BICC1: variants seen among roughly 807,000 people sequenced by gnomAD.
BICC1 encodes the protein BicC family RNA binding protein 1.
A neutral mutation model predicts 111.0 loss-of-function variants in BICC1; 43 were observed. That is an observed-to-expected ratio of 0.39 (90% CI 0.30 to 0.50). The LOEUF (loss-of-function observed/expected upper bound fraction) is 0.50, where lower values mean the gene tolerates loss of function less well. BICC1 is among the 20% of genes least tolerant of loss of function. The pLI, the probability that BICC1 is intolerant of heterozygous loss-of-function variation, is 0.88. For missense variants in BICC1, 1,091 were observed against 1,203.2 expected (o/e 0.91, Z 1.38); for synonymous variants, 467 against 434.4 (o/e 1.07, Z -0.93).
chr10:58,676,108 T>C (rs988406760), intron 2 of BICC1, among the ~76,000 whole-genome samples: 1 of 152,152 alleles, frequency 6.6e-6, no homozygotes, highest in Non-Finnish European at 1.5e-5. Flanking sequence ...ACTACATTTT[T>C]CCCACTGTCT....
chr10:58,531,882 A>T (rs1593677), intron 1 of BICC1, among the ~76,000 whole-genome samples: 69,655 of 151,492 alleles, frequency 0.46, 17,070 homozygotes, highest in Admixed American at 0.62. Flanking sequence ...ATTGAGTCAG[A>T]GGAACAAAAA....
intron 1 of BICC1, among the ~76,000 whole-genome samples, chr10:58,532,286 G>T (rs1227886651): frequency 1.4e-5 from 2 of 140,144 alleles, no homozygotes; most frequent in Admixed American, 1.6e-4. Flanking sequence ...AAAGTTTGTG[G>T]ACGGTATGTA....
rs571547909 is a variant in BICC1, at chr10:58,729,658, C to A, written c.307+27515C>A. Among the ~76,000 whole-genome samples the A allele has an allele frequency of 6.7e-4, 102 of 152,270 alleles. 2 individuals carry two copies. Among genetic ancestry groups the A allele is most frequent in the South Asian group, 4.3e-3 (21 of 4,828 alleles). Reference sequence around the variant, plus strand: ...TGGTGGCATCTCCTTCTGGGGAGGCCTCAGGGAGCTTTTACTCATGGTGAA... The same window carrying A: ...TGGTGGCATCTCCTTCTGGGGAGGCATCAGGGAGCTTTTACTCATGGTGAA... On this transcript the variant is annotated intron_variant, in intron 3 of 20. Coordinates refer to ENST00000373886, the MANE Select transcript of BICC1 (RefSeq NM_001080512.3).
intron 3 of BICC1, 98 bp from the exon 4 acceptor site, chr10:58,784,903 C>A: frequency 2.1e-6 from 1 of 473,774 alleles, no homozygotes; most frequent in South Asian, 4.7e-5. Context: ...TATTATGGAA[C>A]CTCTTATGTT....
At chr10:58,595,385 T>C (rs1028907512) in intron 1 of BICC1, among the ~76,000 whole-genome samples, 1 of 152,066 alleles carries the variant, frequency 6.6e-6, no homozygotes, top group Non-Finnish European at 1.5e-5. Context: ...TCTACAGAAC[T>C]CTCCACTGCA....
intron 2 of BICC1, among the ~76,000 whole-genome samples, chr10:58,697,308 C>T (rs376712878): frequency 1.3e-5 from 2 of 152,204 alleles, no homozygotes. Context: ...GTCAGTGTCT[C>T]TGTCCATAGT....
chr10:58,664,024 A>C (rs897751535), intron 2 of BICC1, among the ~76,000 whole-genome samples: 16 of 152,152 alleles, frequency 1.1e-4, no homozygotes, highest in African/African-American at 3.9e-4. Context: ...GGTGCTGTAA[A>C]ATGCACATAG....
At chr10:58,712,965 G>A (rs1412347378) in intron 3 of BICC1, among the ~76,000 whole-genome samples, 4 of 152,038 alleles carry the variant, frequency 2.6e-5, no homozygotes, top group Non-Finnish European at 5.9e-5. Flanking sequence ...AAGAATAGTC[G>A]TAGATACTAG....
intron 2 of BICC1, among the ~76,000 whole-genome samples, chr10:58,693,938 T>G (rs1672211720): frequency 6.6e-6 from 1 of 152,222 alleles, no homozygotes; most frequent in Non-Finnish European, 1.5e-5. Context: ...TCCTTGACCA[T>G]GCCTATGTCC....
intron 1 of BICC1, among the ~76,000 whole-genome samples, chr10:58,596,419 A>G (rs1564504205): frequency 6.6e-6 from 1 of 152,196 alleles, no homozygotes; most frequent in African/African-American, 2.4e-5. Context: ...TCTCAAAATA[A>G]TAAGAGCTAT....
intron 3 of BICC1, among the ~76,000 whole-genome samples, chr10:58,775,390 CAAAAAACAAA>C (rs1230316050): frequency 6.7e-6 from 1 of 150,170 alleles, no homozygotes; most frequent in African/African-American, 2.5e-5. Flanking sequence ...AAACAAAAAA[CAAAAAACAAA>C]AAAAAACAAA....
intron 1 of BICC1, among the ~76,000 whole-genome samples, chr10:58,611,782 GC>G (rs1291922754): frequency 6.6e-6 from 1 of 151,974 alleles, no homozygotes; most frequent in Admixed American, 6.6e-5. Context: ...GAGCCACTGT[GC>G]CCAGCCTGTA....
At chr10:58,736,595 G>A (rs928773750) in intron 3 of BICC1, among the ~76,000 whole-genome samples, 16 of 152,276 alleles carry the variant, frequency 1.1e-4, no homozygotes, top group African/African-American at 2.9e-4. Context: ...CTGTAATGCC[G>A]TCTTTCCATT....
chr10:58,617,060 G>C (rs2132125088), intron 1 of BICC1, among the ~76,000 whole-genome samples: 1 of 152,370 alleles, frequency 6.6e-6, no homozygotes, highest in Admixed American at 6.5e-5. Context: ...AGTTTTGGCT[G>C]GGGCCTTTAG....
At chr10:58,668,459 C>T (rs947951377) in intron 2 of BICC1, among the ~76,000 whole-genome samples, 3 of 152,054 alleles carry the variant, frequency 2.0e-5, no homozygotes, top group Non-Finnish European at 2.9e-5. Context: ...TGAAAAACAT[C>T]TCAAAATTTT....
intron 2 of BICC1, among the ~76,000 whole-genome samples, chr10:58,642,495 C>T (rs1838152909): frequency 6.6e-6 from 1 of 152,172 alleles, no homozygotes; most frequent in Non-Finnish European, 1.5e-5. Context: ...GTAATGAGTT[C>T]CTGGTGACTT....
At chr10:58,795,506 A>C (rs1368780981) in intron 9 of BICC1, among the ~76,000 whole-genome samples, 1 of 152,208 alleles carries the variant, frequency 6.6e-6, no homozygotes, top group East Asian at 1.9e-4. Context: ...GAAGAATTCC[A>C]GGAGTTCAGT....
chr10:58,815,169 G>A (rs941463486), intron 18 of BICC1, among the ~76,000 whole-genome samples: 2 of 152,128 alleles, frequency 1.3e-5, no homozygotes, highest in African/African-American at 4.8e-5. Context: ...CTTGAAGCTA[G>A]GCAATCTAGA....
At chr10:58,725,288 TG>T (rs1158200763) in intron 3 of BICC1, among the ~76,000 whole-genome samples, 1 of 152,232 alleles carries the variant, frequency 6.6e-6, no homozygotes, top group Non-Finnish European at 1.5e-5. Flanking sequence ...TTACTTAGCC[TG>T]ATCGTTCCAT....
Sources: allele counts gnomAD v4.1 joint callset (sites outside exome capture counted in the v4.1 genomes callset), GRCh38; gene constraint gnomAD v4.1.1; transcripts MANE v1.5; gene names NCBI Gene and HGNC (gene_info 2026-07-23, HGNC 2026-07-21).